GLRA3: variants seen among roughly 807,000 people sequenced by gnomAD.
GLRA3 encodes the protein glycine receptor alpha 3.
Under a neutral mutation model 60.4 loss-of-function variants are expected in GLRA3, and 44 were observed. The observed-to-expected ratio is 0.73, with a 90% confidence interval of 0.57 to 0.94. GLRA3 has a LOEUF of 0.94. Among genes scored for constraint, GLRA3 ranks in the 40% least tolerant of loss-of-function variants. The probability of loss-of-function intolerance (pLI) is 0.00; values close to 1 mark genes in which losing one functional copy is unlikely to be tolerated. For missense variants in GLRA3, 508 were observed against 564.6 expected (o/e 0.90, Z 1.02); for synonymous variants, 223 against 192.9 (o/e 1.16, Z -1.29).
At chr4:174,687,289 T>G (rs1480111102) in intron 5 of GLRA3, among the ~76,000 whole-genome samples, 1 of 152,232 alleles carries the variant, frequency 6.6e-6, no homozygotes, top group African/African-American at 2.4e-5. Flanking sequence ...GGAATGTTCT[T>G]GATCTTTGAT....
At chr4:174,737,436 A>G (rs1736844557) in intron 3 of GLRA3, among the ~76,000 whole-genome samples, 1 of 152,236 alleles carries the variant, frequency 6.6e-6, no homozygotes, top group Non-Finnish European at 1.5e-5. Flanking sequence ...TGTCCTCAGT[A>G]AGAAAACTGA....
At chr4:174,724,288 G>A (rs949905766) in intron 4 of GLRA3, among the ~76,000 whole-genome samples, 1 of 151,676 alleles carries the variant, frequency 6.6e-6, no homozygotes, top group Non-Finnish European at 1.5e-5. Context: ...GATATCTTAT[G>A]TACACATACA....
At chr4:174,709,049 AT>A (rs1239902394) in intron 5 of GLRA3, among the ~76,000 whole-genome samples, 1 of 152,012 alleles carries the variant, frequency 6.6e-6, no homozygotes, top group South Asian at 2.1e-4. Context: ...AATAATTATA[AT>A]TGCATTTATG....
intron 7 of GLRA3, among the ~76,000 whole-genome samples, chr4:174,670,264 G>A (rs142195651): frequency 5.9e-5 from 9 of 152,144 alleles, no homozygotes; most frequent in African/African-American, 2.2e-4. Context: ...AAGGTTTTGT[G>A]CTTCTATAGC....
At chr4:174,785,184 C>G (rs192222675) in intron 2 of GLRA3, among the ~76,000 whole-genome samples, 195 of 151,872 alleles carry the variant, frequency 1.3e-3, no homozygotes, top group Non-Finnish European at 2.2e-3. Flanking sequence ...AGAGAAATGA[C>G]AAAACAATAA....
chr4:174,697,790 T>C (rs1308288319), intron 5 of GLRA3, among the ~76,000 whole-genome samples: 1 of 152,180 alleles, frequency 6.6e-6, no homozygotes, highest in Non-Finnish European at 1.5e-5. Context: ...TTCTCAAAAC[T>C]TCACAAAATT....
At chr4:174,704,648 G>A (rs1335485172) in intron 5 of GLRA3, among the ~76,000 whole-genome samples, 1 of 143,750 alleles carries the variant, frequency 7.0e-6, no homozygotes, top group South Asian at 2.2e-4. Flanking sequence ...TGACATTCGT[G>A]TTCATAGCAG....
Position 174,712,673 on chromosome 4 carries a change from T to C in GLRA3, c.574+2815A>G, listed in dbSNP as rs1447441182. On this transcript the variant is annotated intron_variant, in intron 5 of 9. Coordinates refer to ENST00000274093, the MANE Select transcript of GLRA3 (RefSeq NM_006529.4). ...TCTTTTCTTCCTTTCTGCAGTCAGATTTCATTCAAAAGTGGACCCTGGGAT... is the reference window on the plus strand; with the variant it reads ...TCTTTTCTTCCTTTCTGCAGTCAGACTTCATTCAAAAGTGGACCCTGGGAT... 2.0e-5 allele frequency: 3 copies of C among 152,186 alleles called. No homozygotes were observed. The East Asian group carries it at 5.8e-4, about 29-fold the overall frequency. The allele number at this position is 152,186 out of a possible 1,614,324, so 9.4% of individuals were successfully genotyped here.
intron 5 of GLRA3, among the ~76,000 whole-genome samples, chr4:174,684,131 T>C (rs942296229): frequency 6.6e-6 from 1 of 152,162 alleles, no homozygotes; most frequent in Non-Finnish European, 1.5e-5. Context: ...AAGCTTATTA[T>C]AGAACTCATG....
chr4:174,732,032 C>CT (rs1334744019), intron 3 of GLRA3, among the ~76,000 whole-genome samples: 1 of 152,184 alleles, frequency 6.6e-6, no homozygotes, highest in Non-Finnish European at 1.5e-5. Context: ...CAAAATGATC[C>CT]TTTATACATC....
intron 7 of GLRA3, among the ~76,000 whole-genome samples, chr4:174,670,141 G>A (rs1187394239): frequency 6.6e-6 from 1 of 152,116 alleles, no homozygotes; most frequent in East Asian, 1.9e-4. Flanking sequence ...CACTGAAAAT[G>A]CTTCTTAGGT....
At chr4:174,764,864 T>C (rs1314311632) in intron 3 of GLRA3, among the ~76,000 whole-genome samples, 1 of 152,076 alleles carries the variant, frequency 6.6e-6, no homozygotes, top group Non-Finnish European at 1.5e-5. Context: ...CATTAAAAAT[T>C]AATAAATATT....
intron 5 of GLRA3, among the ~76,000 whole-genome samples, chr4:174,704,660 A>G (rs1468894785): frequency 6.9e-6 from 1 of 144,316 alleles, no homozygotes; most frequent in Non-Finnish European, 1.5e-5. Flanking sequence ...TCATAGCAGC[A>G]TTACTCACTA....
At chr4:174,651,218 C>G (rs759242347) in intron 9 of GLRA3, among the ~76,000 whole-genome samples, 3 of 152,194 alleles carry the variant, frequency 2.0e-5, no homozygotes, top group Non-Finnish European at 4.4e-5. Context: ...AAGAGTACCT[C>G]ATATCCCATC....
At chr4:174,744,845 T>C (rs1338261077) in intron 3 of GLRA3, among the ~76,000 whole-genome samples, 2 of 152,098 alleles carry the variant, frequency 1.3e-5, no homozygotes, top group African/African-American at 2.4e-5. Context: ...AATTCAAAAT[T>C]ATGATATTAA....
rs1732602281 is a variant in GLRA3 at position 174,640,594 on chromosome 4, G to A, written c.*3192C>T. 6.6e-6 allele frequency: 1 copy of A among 152,000 alleles called. No homozygotes were observed. 9.4% of individuals were successfully genotyped at this position (152,000 alleles called of 1,614,324 possible). ...ATTATAACTACTTAAGTTGCACTGA[G>A]TACTAAAGTAGTGAACAGCTTGCTC... is the stretch of plus-strand genomic sequence containing the variant. On this transcript the variant is annotated 3_prime_UTR_variant, in exon 10 of 10. Coordinates refer to ENST00000274093, the MANE Select transcript of GLRA3 (RefSeq NM_006529.4).
At chr4:174,655,699 A>C (rs998904922) in intron 9 of GLRA3, among the ~76,000 whole-genome samples, 2 of 152,168 alleles carry the variant, frequency 1.3e-5, no homozygotes, top group Non-Finnish European at 2.9e-5. Flanking sequence ...CAGTTAAGAT[A>C]ATCAAATAAA....
chr4:174,728,653 G>A lies in GLRA3; in HGVS notation c.313C>T (p.Arg105Cys), dbSNP rs761733852. The change falls in exon 4 of 10, where the codon CGC (arginine) becomes TGC (cysteine). Residue 105 changes from arginine to cysteine, a missense_variant. Arg to Cys is a radical substitution (Grantham distance 180, BLOSUM62 -3). Around this residue, in one of 3 missense-constraint regions of GLRA3, gnomAD observed 329 missense variants for 349.3 expected, o/e 0.94. Transcript: ENST00000274093. ...IFLRQKWNDPRLAYSEYPDDS... is the reference protein window; with the variant it reads ...IFLRQKWNDPCLAYSEYPDDS... ...TCAGGATATTCACTGTACGCGAGGC[G>A]GGGATCATTCCATTTCTGACGAAGA... The A allele has an allele frequency of 9.9e-6, 16 of 1,610,274 alleles. No homozygotes were observed. The highest frequency in any genetic ancestry group is 3.3e-5 in the Admixed American group (2 of 59,958).
At chr4:174,736,571 C>T (rs146402431) in intron 3 of GLRA3, among the ~76,000 whole-genome samples, 165 of 152,246 alleles carry the variant, frequency 1.1e-3, no homozygotes, top group African/African-American at 3.8e-3. Context: ...TCACACTATA[C>T]GTGACCTTTT....
Sources: allele counts gnomAD v4.1 joint callset (sites outside exome capture counted in the v4.1 genomes callset), GRCh38; gene constraint gnomAD v4.1.1; regional missense constraint gnomAD v4.1.1; transcripts MANE v1.5; gene names NCBI Gene and HGNC (gene_info 2026-07-23, HGNC 2026-07-21).